Variants in DIP2C observed in about 807,000 individuals in gnomAD.
DIP2C encodes DIP2 acetate--CoA ligase C (putative), also known as disco-interacting protein 2 homolog C.
A neutral mutation model predicts 192.4 loss-of-function variants in DIP2C; 33 were observed. The observed-to-expected ratio is 0.17, with a 90% CI of 0.13 to 0.23. The LOEUF (loss-of-function observed/expected upper bound fraction) is 0.23. DIP2C is among the 10% of genes least tolerant of loss of function. The probability of loss-of-function intolerance (pLI) is 1.00; values close to 1 mark genes in which losing one functional copy is unlikely to be tolerated. For missense variants in DIP2C, 1,537 were observed against 2,110.1 expected (o/e 0.73, Z 5.32); for synonymous variants, 979 against 864.1 (o/e 1.13, Z -2.33).
Position 479,872 on chromosome 10 carries a change from G to C in DIP2C, c.157+6587C>G, listed in dbSNP as rs541565415. On this transcript the variant is annotated intron_variant, in intron 2 of 36. Transcript: ENST00000280886. Reference sequence around the variant, plus strand: ...TTCTCATCCGGCAGCCTGAGAGCCGGTTCACGCTCACTGGATGAGTGTCAT... The same window carrying C: ...TTCTCATCCGGCAGCCTGAGAGCCGCTTCACGCTCACTGGATGAGTGTCAT... Among the ~76,000 whole-genome samples, 25 of 151,692 alleles carry C rather than the reference G, an allele frequency of 1.6e-4. No homozygotes were observed. The South Asian group carries it at 5.2e-3, about 32-fold the overall frequency.
intron 1 of DIP2C, among the ~76,000 whole-genome samples, chr10:615,263 T>C (rs1564272492): frequency 1.3e-5 from 2 of 152,128 alleles, no homozygotes; most frequent in Admixed American, 1.3e-4. Context: ...GGAAAATCAT[T>C]TGTACCGTGA....
intron 4 of DIP2C, among the ~76,000 whole-genome samples, chr10:434,069 C>A (rs1966979024): frequency 1.3e-5 from 2 of 152,114 alleles, no homozygotes; most frequent in African/African-American, 4.8e-5. Context: ...ATAATGCAAG[C>A]ACACTATAAA....
chr10:684,611 G>A (rs1831245403), intron 1 of DIP2C, among the ~76,000 whole-genome samples: 1 of 152,188 alleles, frequency 6.6e-6, no homozygotes, highest in Admixed American at 6.5e-5. Context: ...TCACTGTGCA[G>A]GGTGGAACCT....
chr10:577,483 G>T (rs1408472494), intron 1 of DIP2C, among the ~76,000 whole-genome samples: 1 of 152,212 alleles, frequency 6.6e-6, no homozygotes, highest in Non-Finnish European at 1.5e-5. Flanking sequence ...AAGGTGGTAA[G>T]AGCTTCGCGA....
intron 1 of DIP2C, among the ~76,000 whole-genome samples, chr10:575,342 G>A (rs924626125): frequency 6.6e-6 from 1 of 152,180 alleles, no homozygotes; most frequent in Admixed American, 6.5e-5. Flanking sequence ...TACATTAACT[G>A]AAGTTTTCAA....
intron 1 of DIP2C, among the ~76,000 whole-genome samples, chr10:544,974 C>CT (rs1848200805): frequency 6.6e-6 from 1 of 152,084 alleles, no homozygotes; most frequent in Admixed American, 6.6e-5. Flanking sequence ...GGAACCATTG[C>CT]TTAATTCAAC....
intron 17 of DIP2C, chr10:370,001 C>G: frequency 1.0e-6 from 1 of 985,466 alleles, no homozygotes; most frequent in South Asian, 4.7e-5. Context: ...ACTCCACGGT[C>G]TGCTCTTCTA....
chr10:438,734 G>A (rs1349454336), intron 4 of DIP2C, among the ~76,000 whole-genome samples: 1 of 152,052 alleles, frequency 6.6e-6, no homozygotes, highest in Non-Finnish European at 1.5e-5. Context: ...CAAGCAATCT[G>A]CCTGCCTTGG....
At chr10:513,037 C>G (rs186721415) in intron 1 of DIP2C, among the ~76,000 whole-genome samples, 110 of 151,482 alleles carry the variant, frequency 7.3e-4, no homozygotes, top group Admixed American at 1.3e-3. Flanking sequence ...CTAAAGTATT[C>G]AAGATACACA....
chr10:289,346 C>T (rs1004029895), intron 32 of DIP2C, among the ~76,000 whole-genome samples: 2 of 151,962 alleles, frequency 1.3e-5, no homozygotes, highest in South Asian at 4.2e-4. Flanking sequence ...CATGGCTCAT[C>T]GCAGTCTGAC....
chr10:414,432 C>G (rs911971138), intron 7 of DIP2C, among the ~76,000 whole-genome samples: 1 of 152,148 alleles, frequency 6.6e-6, no homozygotes, highest in Non-Finnish European at 1.5e-5. Context: ...CTGAAATTTC[C>G]ATTACCAACA....
chr10:441,752 TA>T (rs1237097901), intron 3 of DIP2C, among the ~76,000 whole-genome samples: 1 of 152,234 alleles, frequency 6.6e-6, no homozygotes, highest in African/African-American at 2.4e-5. Flanking sequence ...GGTATGTCTT[TA>T]TCAGCAATGT....
At chr10:633,172 T>C (rs980333021) in intron 1 of DIP2C, among the ~76,000 whole-genome samples, 3 of 152,258 alleles carry the variant, frequency 2.0e-5, no homozygotes, top group Non-Finnish European at 4.4e-5. Context: ...TACTTTGTTC[T>C]AAAATGACCA....
chr10:459,892 C>G (rs148127120), intron 3 of DIP2C, among the ~76,000 whole-genome samples: 22 of 143,766 alleles, frequency 1.5e-4, no homozygotes, highest in African/African-American at 6.2e-4. Context: ...ACCTGCTGCA[C>G]GTGAGCTCTA....
chr10:672,922 CA>C (rs1434465319), intron 1 of DIP2C, among the ~76,000 whole-genome samples: 1 of 152,160 alleles, frequency 6.6e-6, no homozygotes, highest in Non-Finnish European at 1.5e-5. Flanking sequence ...ATTACATGTA[CA>C]AAAAATGTAG....
chr10:578,791 G>A, intron 1 of DIP2C, among the ~76,000 whole-genome samples: 1 of 143,080 alleles, frequency 7.0e-6, no homozygotes, highest in East Asian at 2.0e-4. Context: ...ACAAGCATAA[G>A]TGCACTATAA....
intron 1 of DIP2C, among the ~76,000 whole-genome samples, chr10:538,463 C>T (rs1235840339): frequency 6.6e-6 from 1 of 152,184 alleles, no homozygotes; most frequent in Non-Finnish European, 1.5e-5. Context: ...TGCCCAGTCT[C>T]CTGAAGATTT....
chr10:294,284 C>CCCTG (rs1243210308), intron 32 of DIP2C, among the ~76,000 whole-genome samples: 1 of 152,084 alleles, frequency 6.6e-6, no homozygotes, highest in Non-Finnish European at 1.5e-5. Flanking sequence ...GAGCACAGAC[C>CCCTG]CCTGCTACCT....
Position 300,511 on chromosome 10 carries a change from T to C in DIP2C, c.3986+9520A>G, listed in dbSNP as rs1036120591. On this transcript the variant is annotated intron_variant, in intron 32 of 36. Transcript: ENST00000280886. ...AGAAAAGAGGGATGGAGAGTAGAGATTTAATGAGGACAATATTAAGTGCGT... is the reference window on the plus strand; with the variant it reads ...AGAAAAGAGGGATGGAGAGTAGAGACTTAATGAGGACAATATTAAGTGCGT... Among the ~76,000 whole-genome samples the C allele has an allele frequency of 4.7e-4, 71 of 152,066 alleles. 1 individual carries two copies. The highest frequency in any genetic ancestry group is 2.0e-4 in the Admixed American group (3 of 15,276).
Sources: gnomAD v4.1 joint callset for allele counts (sites outside exome capture counted in the v4.1 genomes callset) on GRCh38, gnomAD v4.1.1 for gene constraint, MANE v1.5 for transcripts, NCBI Gene and HGNC (gene_info 2026-07-23, HGNC 2026-07-21) for gene names.